Variants in SIRT5 observed in about 807,000 individuals in gnomAD.
The protein encoded by SIRT5 is sirtuin 5.
Under a neutral mutation model 40.0 loss-of-function variants are expected in SIRT5, and 26 were observed. That is an observed-to-expected ratio of 0.65 (90% CI 0.48 to 0.90). The LOEUF (loss-of-function observed/expected upper bound fraction) is 0.90, where lower values mean the gene tolerates loss of function less well. Among genes scored for constraint, SIRT5 ranks in the 40% least tolerant of loss-of-function variants. The pLI is 0.00. For missense variants in SIRT5, 401 were observed against 402.4 expected (o/e 1.00, Z 0.03); for synonymous variants, 146 against 149.1 (o/e 0.98, Z 0.15).
chr6:13,588,266 C>T, intron 3 of SIRT5, 65 bp from the exon 4 acceptor site: 1 of 1,553,360 alleles, frequency 6.4e-7, no homozygotes, highest in Non-Finnish European at 8.7e-7. Context: ...AAGATACAGA[C>T]AATTGATATG....
rs879122904 is a variant in SIRT5, at chr6:13,604,981, T to C, written c.857+4032T>C. On this transcript the variant is annotated intron_variant, in intron 9 of 9. Transcript: ENST00000606117. ...AACTGATCAATGAAGCCAGCAATGC[T>C]TTTTTCTTGGCATCATCAAAGCTGA... The C allele has an allele frequency of 3.0e-6, 3 of 988,064 alleles. No individual in the cohort carries two copies. The South Asian group carries it at 1.4e-4, about 46-fold the overall frequency. The allele number at this position is 988,064 out of a possible 1,614,324, so 61.2% of individuals were successfully genotyped here.
At position 13,598,453 on chromosome 6, in the gene SIRT5, A is replaced by G. The variant is rs1277403931; in HGVS notation, c.618-579A>G. Among the ~76,000 whole-genome samples, 4 of 152,152 alleles carry G rather than the reference A, an allele frequency of 2.6e-5. No homozygotes were observed. The East Asian group carries it at 7.7e-4, about 29-fold the overall frequency. ...CCAGGTCTGGGTGGCTGTGAGCACA[A>G]ATGTGAGCATAATGAATGAACTGGG... is the stretch of plus-strand genomic sequence containing the variant. On this transcript the variant is annotated intron_variant, in intron 7 of 9. Coordinates refer to ENST00000606117, the MANE Select transcript of SIRT5 (RefSeq NM_012241.5).
At position 13,607,120 on chromosome 6, in the gene SIRT5, A is replaced by G. The variant is rs1349395294; in HGVS notation, c.858-4670A>G. ...TACCCCTGAAGATACGAATGACTCC[A>G]GCCCTTATTTTATAAAACAAAACAG... is the stretch of plus-strand genomic sequence containing the variant. On this transcript the variant is annotated intron_variant, in intron 9 of 9. Transcript: ENST00000606117. This position sits in a 1 kb window ranked among gnomAD's most constrained non-coding sequence, Gnocchi z 4.0. 3.3e-5 allele frequency among the ~76,000 whole-genome samples: 5 copies of G among 151,856 alleles called. No individual in the cohort carries two copies. Among genetic ancestry groups the G allele is most frequent in the Non-Finnish European group, 5.9e-5 (4 of 67,986 alleles).
Position 13,584,071 on chromosome 6 carries a change from T to C in SIRT5, c.-35-5T>C, listed in dbSNP as rs775076594. On this transcript the variant is annotated splice_region_variant and splice_polypyrimidine_tract_variant and intron_variant, in intron 2 of 9. Coordinates refer to ENST00000606117, the MANE Select transcript of SIRT5 (RefSeq NM_012241.5). ...ACACTATTTGTTTTTGTGATTTTTC[T>C]AAAGCCCGCCTCAAGCATTAGAACT... is the stretch of plus-strand genomic sequence containing the variant. 3 of 1,466,790 alleles carry C rather than the reference T, an allele frequency of 2.0e-6. No homozygotes were observed. In the South Asian group the frequency reaches 3.5e-5, roughly 17 times the overall value. 90.9% of individuals were successfully genotyped at this position (1,466,790 alleles called of 1,614,324 possible).
At chr6:13,588,275 T>G (rs976994391) in intron 3 of SIRT5, 56 bp from the exon 4 acceptor site, 3 of 1,568,712 alleles carry the variant, frequency 1.9e-6, no homozygotes, top group Middle Eastern at 1.9e-4. Flanking sequence ...ACAATTGATA[T>G]GGGATACAAA....
At position 13,593,486 on chromosome 6, in the gene SIRT5, T is replaced by A. The variant is rs576206984; in HGVS notation, c.475+1592T>A. Among the ~76,000 whole-genome samples, 72 of 152,312 alleles carry A rather than the reference T, an allele frequency of 4.7e-4. 1 individual carries two copies. Among genetic ancestry groups the A allele is most frequent in the African/African-American group, 1.4e-3 (59 of 41,560 alleles). On this transcript the variant is annotated intron_variant, in intron 5 of 9. Transcript: ENST00000606117. ...CTGCAGTGTCAGAATGTGGGCTATG[T>A]CATCAGCATAAAACCGAGATGACAA...
intron 1 of SIRT5, among the ~76,000 whole-genome samples, chr6:13,578,128 C>A (rs1156760312): frequency 6.6e-6 from 1 of 152,092 alleles, no homozygotes; most frequent in East Asian, 1.9e-4. Context: ...GTATGTTGAG[C>A]CATCTTTGCA....
intron 5 of SIRT5, among the ~76,000 whole-genome samples, chr6:13,592,860 A>G (rs1019365446): frequency 5.8e-5 from 8 of 138,456 alleles, no homozygotes; most frequent in Non-Finnish European, 6.4e-5. Context: ...TTCAAATCCA[A>G]GGAATGCATT....
rs995838007 is a variant in SIRT5 at position 13,613,560 on chromosome 6, T to C, written c.*1695T>C. The C allele has an allele frequency of 2.0e-5, 3 of 152,228 alleles. No homozygotes were observed. Among genetic ancestry groups the C allele is most frequent in the African/African-American group, 7.2e-5 (3 of 41,446 alleles). The allele number at this position is 152,228 out of a possible 1,614,324, so 9.4% of individuals were successfully genotyped here. On this transcript the variant is annotated 3_prime_UTR_variant, in exon 10 of 10. Coordinates refer to ENST00000606117, the MANE Select transcript of SIRT5 (RefSeq NM_012241.5). ...TTTGTAGAAACAGGCAACAAGACAC[T>C]ATCATATAAAACTTTGTACTGCATT...
intron 2 of SIRT5, among the ~76,000 whole-genome samples, chr6:13,582,319 T>C (rs1759451685): frequency 6.6e-6 from 1 of 152,212 alleles, no homozygotes; most frequent in African/African-American, 2.4e-5. Flanking sequence ...TATATTCTTT[T>C]ATCCCCTTGC....
chr6:13,605,380 T>C (rs1762968240), intron 9 of SIRT5: 4 of 985,076 alleles, frequency 4.1e-6, no homozygotes, highest in African/African-American at 1.7e-5. Context: ...CAGAAAAAGT[T>C]TTCTAACCCC....
chr6:13,582,483 A>G (rs1046884142), intron 2 of SIRT5, among the ~76,000 whole-genome samples: 6 of 151,964 alleles, frequency 3.9e-5, no homozygotes, highest in African/African-American at 1.5e-4. Flanking sequence ...TATACTCATT[A>G]TTTTTAAGTA....
chr6:13,606,316 T>A (rs556129587), intron 9 of SIRT5, among the ~76,000 whole-genome samples: 1 of 152,120 alleles, frequency 6.6e-6, no homozygotes, highest in Non-Finnish European at 1.5e-5. Flanking sequence ...AGTAAAGTAA[T>A]GGAGTTGGGG....
chr6:13,595,372 A>G (rs1444463712), intron 5 of SIRT5, 105 bp from the exon 6 acceptor site: 2 of 891,716 alleles, frequency 2.2e-6, no homozygotes, highest in African/African-American at 3.3e-5. Flanking sequence ...AGACCAAAAC[A>G]TGAAATGAAG....
chr6:13,597,080 A>C, intron 7 of SIRT5, 64 bp downstream of exon 7: 1 of 1,273,278 alleles, frequency 7.9e-7, no homozygotes, highest in Non-Finnish European at 1.1e-6. Flanking sequence ...AAAAACAGAC[A>C]TCAAAACCTA....
At chr6:13,595,329 G>A (rs1054046155) in intron 5 of SIRT5, 148 bp from the exon 6 acceptor site, 8 of 622,104 alleles carry the variant, frequency 1.3e-5, no homozygotes, top group South Asian at 7.4e-5. Flanking sequence ...AGCTATGATC[G>A]TACTGCTACA....
In SIRT5 at chr6:13,574,868, C is replaced by G. The variant is rs1758380929; in HGVS notation, c.-195+124C>G. On this transcript the variant is annotated intron_variant, in intron 1 of 9. Transcript: ENST00000606117. Reference sequence around the variant, plus strand: ...GAGGCCGCTGTGCTGGGGAGCCCCGCGAGGGCTCCGAACAGAGCCTCCCTT... The same window carrying G: ...GAGGCCGCTGTGCTGGGGAGCCCCGGGAGGGCTCCGAACAGAGCCTCCCTT... 6 of 152,024 alleles carry G rather than the reference C, an allele frequency of 3.9e-5. No individual in the cohort carries two copies. The South Asian group carries it at 8.3e-4, about 21-fold the overall frequency. 9.4% of individuals were successfully genotyped at this position (152,024 alleles called of 1,614,324 possible).
chr6:13,585,583 T>C (rs1759966865), intron 3 of SIRT5, among the ~76,000 whole-genome samples: 1 of 152,216 alleles, frequency 6.6e-6, no homozygotes, highest in Admixed American at 6.5e-5. Context: ...CATCCTTTTT[T>C]ATGTCTGCAT....
At chr6:13,581,898 A>G (rs976860706) in intron 2 of SIRT5, among the ~76,000 whole-genome samples, 2 of 152,162 alleles carry the variant, frequency 1.3e-5, no homozygotes, top group Non-Finnish European at 2.9e-5. Context: ...CCATGCCGCT[A>G]ACATGAGGGA....
Sources: allele counts gnomAD v4.1 joint callset (sites outside exome capture counted in the v4.1 genomes callset), GRCh38; gene constraint gnomAD v4.1.1; non-coding constraint Gnocchi (gnomAD v3.1); transcripts MANE v1.5; gene names NCBI Gene and HGNC (gene_info 2026-07-23, HGNC 2026-07-21).